The following GALNT7 variants were observed in gnomAD, a reference collection of about 807,000 sequenced individuals.
The protein encoded by GALNT7 is N-acetylgalactosaminyltransferase 7.
Under a neutral mutation model 82.1 loss-of-function variants are expected in GALNT7, and 60 were observed. The observed-to-expected ratio is 0.73, with a 90% CI of 0.59 to 0.91. The LOEUF (loss-of-function observed/expected upper bound fraction) is 0.91, where lower values mean the gene tolerates loss of function less well. Ranked by LOEUF, GALNT7 falls within the 40% of genes least tolerant of loss-of-function variation. GALNT7 has a pLI of 0.00. For missense variants in GALNT7, 660 were observed against 804.2 expected (o/e 0.82, Z 2.17); for synonymous variants, 243 against 275.1 (o/e 0.88, Z 1.15).
At chr4:173,319,536 G>C (rs1737726866) in intron 11 of GALNT7, among the ~76,000 whole-genome samples, 1 of 151,850 alleles carries the variant, frequency 6.6e-6, no homozygotes, top group African/African-American at 2.4e-5. Context: ...CAAAAAAAAA[G>C]GATATATAAT....
At chr4:173,262,009 G>T (rs1441036177) in intron 2 of GALNT7, among the ~76,000 whole-genome samples, 1 of 151,734 alleles carries the variant, frequency 6.6e-6, no homozygotes, top group African/African-American at 2.4e-5. Flanking sequence ...TAAAAGAAAC[G>T]AGTATCATTG....
At chr4:173,298,088 A>C (rs558624760) in intron 5 of GALNT7, 27 bp from the exon 6 acceptor site, 1 of 1,611,246 alleles carries the variant, frequency 6.2e-7, no homozygotes, top group South Asian at 1.1e-5. Context: ...CTTCCATTTG[A>C]TCTTTGCTGC....
chr4:173,182,817 TACAC>T (rs66792322), intron 1 of GALNT7, among the ~76,000 whole-genome samples: 2,396 of 134,882 alleles, frequency 0.018, 63 homozygotes, highest in Admixed American at 0.07. Flanking sequence ...TTACTCATAA[TACAC>T]ACACACACAC....
At chr4:173,182,925 T>TACACACACAC (rs61378172) in intron 1 of GALNT7, among the ~76,000 whole-genome samples, 17,851 of 134,016 alleles carry the variant, frequency 0.13, 1,269 homozygotes, top group Middle Eastern at 0.18. Flanking sequence ...TTACTCATAA[T>TACACACACAC]ACACACACAC....
chr4:173,205,606 T>C (rs1579909545), intron 1 of GALNT7, among the ~76,000 whole-genome samples: 1 of 152,286 alleles, frequency 6.6e-6, no homozygotes. Context: ...GTTGCCAGCC[T>C]GGTGCCTCAG....
chr4:173,223,345 A>G (rs988989241), intron 1 of GALNT7, among the ~76,000 whole-genome samples: 6 of 152,310 alleles, frequency 3.9e-5, no homozygotes, highest in African/African-American at 1.4e-4. Context: ...TAAGTGATAG[A>G]GTTTTTTTAA....
At chr4:173,201,137 C>A (rs1218223254) in intron 1 of GALNT7, among the ~76,000 whole-genome samples, 3 of 152,066 alleles carry the variant, frequency 2.0e-5, no homozygotes, top group Non-Finnish European at 2.9e-5. Flanking sequence ...ATATTTTGAA[C>A]CTACTTTTAA....
In GALNT7 at chr4:173,266,717, T is replaced by G. The variant is rs551155739; in HGVS notation, c.587+18277T>G. ...ATAAAAATAATAAAATCCTGCCATTTTCGGCAACATGGATGAGCATGGGGG... is the reference window on the plus strand; with the variant it reads ...ATAAAAATAATAAAATCCTGCCATTGTCGGCAACATGGATGAGCATGGGGG... On this transcript the variant is annotated intron_variant, in intron 2 of 11. Coordinates refer to ENST00000265000, the MANE Select transcript of GALNT7 (RefSeq NM_017423.3). Among the ~76,000 whole-genome samples, 133 of 152,306 alleles carry G rather than the reference T, an allele frequency of 8.7e-4. No individual in the cohort carries two copies. In the Middle Eastern group the frequency reaches 0.014, roughly 16 times the overall value.
At chr4:173,262,734 C>T (rs1735324209) in intron 2 of GALNT7, among the ~76,000 whole-genome samples, 1 of 152,070 alleles carries the variant, frequency 6.6e-6, no homozygotes, top group Admixed American at 6.5e-5. Context: ...GCATACAGAT[C>T]AGTCTCAGAC....
intron 1 of GALNT7, among the ~76,000 whole-genome samples, chr4:173,191,298 G>A (rs1344153342): frequency 1.3e-5 from 2 of 152,112 alleles, no homozygotes; most frequent in Non-Finnish European, 2.9e-5. Flanking sequence ...TGGGGAGTAG[G>A]AGTAGGCTTG....
intron 1 of GALNT7, among the ~76,000 whole-genome samples, chr4:173,181,014 A>T (rs1339168271): frequency 1.3e-5 from 2 of 152,228 alleles, no homozygotes; most frequent in Non-Finnish European, 2.9e-5. Flanking sequence ...GGATGATTTA[A>T]AATGAATTTT....
At position 173,247,973 on chromosome 4, in the gene GALNT7, T is replaced by C; in HGVS notation, c.127-7T>C. Reference sequence around the variant, plus strand: ...TACTCATTGTATATCCCCTCCCTTTTGTATAGGAAGACAGAGATGTCAATG... The same window carrying C: ...TACTCATTGTATATCCCCTCCCTTTCGTATAGGAAGACAGAGATGTCAATG... On this transcript the variant is annotated splice_polypyrimidine_tract_variant and splice_region_variant and intron_variant, in intron 1 of 11. Transcript: ENST00000265000. The C allele has an allele frequency of 1.3e-6, 2 of 1,590,862 alleles. No individual in the cohort carries two copies. The highest frequency in any genetic ancestry group is 1.7e-6 in the Non-Finnish European group (2 of 1,161,968).
At chr4:173,206,285 A>G (rs60224787) in intron 1 of GALNT7, among the ~76,000 whole-genome samples, 5,112 of 152,258 alleles carry the variant, frequency 0.034, 284 homozygotes, top group African/African-American at 0.11. Context: ...GGGTGATGCA[A>G]GTGATGTCAA....
chr4:173,172,484 T>C (rs1731909335), intron 1 of GALNT7, among the ~76,000 whole-genome samples: 1 of 152,152 alleles, frequency 6.6e-6, no homozygotes, highest in Admixed American at 6.5e-5. Flanking sequence ...CTTTAGGTGT[T>C]TTCTATCTAA....
chr4:173,284,729 AAAC>A lies in GALNT7; in HGVS notation c.588-7370_588-7368del, dbSNP rs531142522. Among the ~76,000 whole-genome samples the A allele has an allele frequency of 1.9e-3, 294 of 151,900 alleles. 3 individuals are homozygous for A. The highest frequency in any genetic ancestry group is 6.2e-3 in the African/African-American group (258 of 41,310). ...CAATGACTCAAAAATTTGAAAAAAA[AAAC>A]AACAACAAAAAAAACCTTTTCATTA... is the stretch of plus-strand genomic sequence containing the variant. On this transcript the variant is annotated intron_variant, in intron 2 of 11. Coordinates refer to ENST00000265000, the MANE Select transcript of GALNT7 (RefSeq NM_017423.3).
chr4:173,267,459 C>T (rs1735546817), intron 2 of GALNT7, among the ~76,000 whole-genome samples: 1 of 152,170 alleles, frequency 6.6e-6, no homozygotes, highest in African/African-American at 2.4e-5. Context: ...AGATTACCAG[C>T]CAGTGGCTTC....
At chr4:173,247,945 A>C (rs1479581760) in intron 1 of GALNT7, 35 bp from the exon 2 acceptor site, 3 of 1,408,108 alleles carry the variant, frequency 2.1e-6, no homozygotes, top group Middle Eastern at 2.1e-4. Flanking sequence ...GTTTGCCTTC[A>C]TGTACTCATT....
chr4:173,310,739 G>A (rs1397680397), intron 8 of GALNT7, among the ~76,000 whole-genome samples: 1 of 152,000 alleles, frequency 6.6e-6, no homozygotes, highest in Non-Finnish European at 1.5e-5. Context: ...TGTTGTTGTT[G>A]TTGTTGTTGT....
chr4:173,296,229 A>T (rs893454888), intron 5 of GALNT7, among the ~76,000 whole-genome samples: 1 of 152,210 alleles, frequency 6.6e-6, no homozygotes, highest in Non-Finnish European at 1.5e-5. Flanking sequence ...TTAAATTAGT[A>T]CTTTCAATAG....
Sources: allele counts gnomAD v4.1 joint callset (sites outside exome capture counted in the v4.1 genomes callset), GRCh38; gene constraint gnomAD v4.1.1; transcripts MANE v1.5; gene names NCBI Gene and HGNC (gene_info 2026-07-23, HGNC 2026-07-21).